KIAA1328: variants seen among roughly 807,000 people sequenced by gnomAD.
The protein encoded by KIAA1328 is protein hinderin.
KIAA1328 carries 52 observed loss-of-function variants against 68.1 expected under a neutral mutation model. That is an observed-to-expected ratio of 0.76 (90% CI 0.61 to 0.96). The LOEUF is 0.96. KIAA1328 is among the 40% of genes least tolerant of loss of function. The pLI is 0.00. For missense variants in KIAA1328, 641 were observed against 677.6 expected, an observed-to-expected ratio of 0.95 and a Z score of 0.60; for synonymous variants, 232 against 239.4, an observed-to-expected ratio of 0.97 and a Z score of 0.28.
chr18:36,978,339 A>G (rs8083012), intron 6 of KIAA1328, among the ~76,000 whole-genome samples: 111,406 of 152,092 alleles, frequency 0.73, 43,953 homozygotes, highest in South Asian at 0.89. Context: ...CAGAGGGAAA[A>G]CAGATGTTCA....
chr18:37,066,196 T>A lies in KIAA1328; in HGVS notation c.577-694T>A, dbSNP rs559900526. 4.3e-4 allele frequency among the ~76,000 whole-genome samples: 66 copies of A among 152,354 alleles called. 1 individual carries two copies. Among genetic ancestry groups the A allele is most frequent in the African/African-American group, 1.5e-3 (62 of 41,594 alleles). On this transcript the variant is annotated intron_variant, in intron 6 of 9. Coordinates refer to ENST00000280020, the MANE Select transcript of KIAA1328 (RefSeq NM_020776.3). ...CTTACAGCTAAAATGTTGGAAAATCTGACTCTATTGACATGTCAGAGATAA... is the reference window on the plus strand; with the variant it reads ...CTTACAGCTAAAATGTTGGAAAATCAGACTCTATTGACATGTCAGAGATAA...
At position 37,160,325 on chromosome 18, in the gene KIAA1328, T is replaced by C; in HGVS notation, c.1358T>C (p.Met453Thr). 1.2e-6 allele frequency: 2 copies of C among 1,613,600 alleles called. No individual in the cohort carries two copies. Among genetic ancestry groups the C allele is most frequent in the Non-Finnish European group, 1.7e-6 (2 of 1,179,652 alleles). The stretch of plus-strand genomic sequence containing the variant: ...AAGACAGTTGGGTTTCATTCGCATA[T>C]GAAAGATGATGCCCAGTGGTCATGT... ...ERKTVGFHSH[M>T]KDDAQWSCQK... Residue 453 changes from methionine to threonine, a missense_variant, in exon 8 of 10, where the codon ATG becomes ACG. Physicochemically the swap from Met to Thr is moderately conservative, Grantham distance 81. Transcript: ENST00000280020.
At position 36,829,162 on chromosome 18, in the gene KIAA1328, C is replaced by T. The variant is rs772559467; in HGVS notation, c.24C>T (p.Ser8=). 9.8e-6 allele frequency: 15 copies of T among 1,533,830 alleles called. No individual in the cohort carries two copies. Among genetic ancestry groups the T allele is most frequent in the South Asian group, 6.1e-5 (5 of 82,538 alleles). MADVAGP[S]RPSAAAFWSR... Reference sequence around the variant, plus strand: ...AGATGGCGGACGTGGCGGGCCCCTCCCGCCCCAGTGCCGCGGCGTTCTGGA... The same window carrying T: ...AGATGGCGGACGTGGCGGGCCCCTCTCGCCCCAGTGCCGCGGCGTTCTGGA... The change falls in exon 1 of 10, where the codon TCC becomes TCT. Residue 8 remains serine (S), a synonymous_variant. Transcript: ENST00000280020.
chr18:37,137,547 T>C (rs541391431), intron 7 of KIAA1328, among the ~76,000 whole-genome samples: 1 of 152,330 alleles, frequency 6.6e-6, no homozygotes, highest in Admixed American at 6.5e-5. Context: ...CAAATCTTTT[T>C]ACTTTTTAAT....
intron 4 of KIAA1328, among the ~76,000 whole-genome samples, chr18:36,859,103 G>T (rs192892288): frequency 9.2e-5 from 14 of 151,860 alleles, no homozygotes; most frequent in African/African-American, 3.1e-4. Context: ...TGAATCTTTT[G>T]TGTGTTTATA....
intron 6 of KIAA1328, among the ~76,000 whole-genome samples, chr18:37,038,567 G>C (rs1045631036): frequency 6.6e-6 from 1 of 152,066 alleles, no homozygotes; most frequent in African/African-American, 2.4e-5. Flanking sequence ...CTTGTACTCT[G>C]TGACCTTGCT....
chr18:36,853,820 T>C (rs533444946), intron 4 of KIAA1328, among the ~76,000 whole-genome samples: 4 of 152,052 alleles, frequency 2.6e-5, no homozygotes, highest in Non-Finnish European at 4.4e-5. Context: ...CAAGCCCAGC[T>C]AATTTTTTTG....
rs982169786 is a variant in KIAA1328, at chr18:37,089,393, T to TA, written c.1232+21849dup. Among the ~76,000 whole-genome samples the TA allele has an allele frequency of 4.6e-5, 6 of 131,166 alleles. No individual in the cohort carries two copies. The South Asian group carries it at 1.1e-3, about 25-fold the overall frequency. 86.0% of individuals were successfully genotyped at this position (131,166 alleles called of 152,430 possible). Reference sequence around the variant, plus strand: ...TGGCTTTTTTTTTTTTTTTTTTTTTTAGATGAAGTCTCATTCTGTCACCCG... The same window carrying TA: ...TGGCTTTTTTTTTTTTTTTTTTTTTTAAGATGAAGTCTCATTCTGTCACCCG... On this transcript the variant is annotated intron_variant, in intron 7 of 9. Transcript: ENST00000280020.
At chr18:36,968,322 G>T (rs1291085059) in intron 6 of KIAA1328, among the ~76,000 whole-genome samples, 1 of 152,162 alleles carries the variant, frequency 6.6e-6, no homozygotes, top group Non-Finnish European at 1.5e-5. Context: ...GCACAGAGTA[G>T]CAAACTGAAT....
intron 5 of KIAA1328, among the ~76,000 whole-genome samples, chr18:36,895,485 C>T (rs1034086588): frequency 2.0e-5 from 3 of 151,988 alleles, no homozygotes; most frequent in African/African-American, 7.2e-5. Context: ...TCTTCTAGCA[C>T]CTTTTCTGAT....
chr18:36,988,111 C>T (rs552215676), intron 6 of KIAA1328, among the ~76,000 whole-genome samples: 2 of 152,250 alleles, frequency 1.3e-5, no homozygotes, highest in East Asian at 3.9e-4. Flanking sequence ...TTAAATGTCA[C>T]TCTTAGTATT....
chr18:36,946,608 T>G (rs1005787538), intron 5 of KIAA1328: 1 of 152,332 alleles, frequency 6.6e-6, no homozygotes, highest in Admixed American at 6.5e-5. Flanking sequence ...AGGTTATCCT[T>G]GGATAAGTTA....
Position 36,910,847 on chromosome 18 carries a change from G to A in KIAA1328, c.448+25175G>A, listed in dbSNP as rs539072678. Among the ~76,000 whole-genome samples, 7 of 152,098 alleles carry A rather than the reference G, an allele frequency of 4.6e-5. No individual in the cohort carries two copies. In the South Asian group the frequency reaches 1.5e-3, roughly 32 times the overall value. ...TTTTTAAACCTGTGCTTTAACAGGAGGCATTGAGTGTTTCTGCTTGCCCTC... is the reference window on the plus strand; with the variant it reads ...TTTTTAAACCTGTGCTTTAACAGGAAGCATTGAGTGTTTCTGCTTGCCCTC... On this transcript the variant is annotated intron_variant, in intron 5 of 9. Coordinates refer to ENST00000280020, the MANE Select transcript of KIAA1328 (RefSeq NM_020776.3).
chr18:37,016,932 A>T (rs988651909), intron 6 of KIAA1328, among the ~76,000 whole-genome samples: 1 of 151,912 alleles, frequency 6.6e-6, no homozygotes, highest in Non-Finnish European at 1.5e-5. Context: ...TGGTTTCATC[A>T]ATTCTTTGTA....
chr18:37,086,112 A>C (rs1183278004), intron 7 of KIAA1328, among the ~76,000 whole-genome samples: 1 of 152,166 alleles, frequency 6.6e-6, no homozygotes, highest in South Asian at 2.1e-4. Flanking sequence ...TCTTTGCTCA[A>C]AGACTGCAAA....
At chr18:36,877,942 C>T (rs574870722) in intron 4 of KIAA1328, among the ~76,000 whole-genome samples, 6 of 152,148 alleles carry the variant, frequency 3.9e-5, no homozygotes, top group Admixed American at 6.5e-5. Flanking sequence ...GCTGGGATTA[C>T]GGGCCTGAGC....
intron 5 of KIAA1328, among the ~76,000 whole-genome samples, chr18:36,905,888 C>T (rs933541858): frequency 1.4e-4 from 22 of 152,120 alleles, no homozygotes; most frequent in African/African-American, 4.1e-4. Context: ...GCTTTCTTGC[C>T]TTTCTTGTCT....
intron 6 of KIAA1328, among the ~76,000 whole-genome samples, chr18:36,993,139 A>T (rs950469828): frequency 7.2e-5 from 11 of 152,192 alleles, no homozygotes; most frequent in Non-Finnish European, 1.6e-4. Flanking sequence ...AAAAAGTAGT[A>T]AAAATGAAAA....
chr18:36,860,441 C>T (rs2047527874), intron 4 of KIAA1328, among the ~76,000 whole-genome samples: 1 of 151,996 alleles, frequency 6.6e-6, no homozygotes, highest in South Asian at 2.1e-4. Flanking sequence ...TAGTTTTATA[C>T]AATTATAGCT....
Sources: gnomAD v4.1 joint callset for allele counts (sites outside exome capture counted in the v4.1 genomes callset) on GRCh38, gnomAD v4.1.1 for gene constraint, MANE v1.5 for transcripts, NCBI Gene and HGNC (gene_info 2026-07-23, HGNC 2026-07-21) for gene names.